The following EBF2 variants were observed in gnomAD, a reference collection of about 807,000 sequenced individuals.
The protein encoded by EBF2 is EBF transcription factor 2.
Under a neutral mutation model 72.8 loss-of-function variants are expected in EBF2, and 21 were observed. That is an observed-to-expected ratio of 0.29 (90% CI 0.20 to 0.42). The LOEUF (loss-of-function observed/expected upper bound fraction) is 0.42. EBF2 is among the 10% of genes least tolerant of loss of function. The pLI, the probability that EBF2 is intolerant of heterozygous loss-of-function variation, is 1.00. For missense variants in EBF2, 637 were observed against 731.2 expected, an observed-to-expected ratio of 0.87 and a Z score of 1.49; for synonymous variants, 299 against 274.2, an observed-to-expected ratio of 1.09 and a Z score of -0.89.
chr8:25,920,707 A>AT (rs33940063), intron 6 of EBF2, among the ~76,000 whole-genome samples: 37 of 150,534 alleles, frequency 2.5e-4, no homozygotes, highest in South Asian at 6.3e-4. Flanking sequence ...TGGCTAATGG[A>AT]TTTTTTTTTT....
intron 6 of EBF2, among the ~76,000 whole-genome samples, chr8:26,005,662 T>G (rs1364010689): frequency 1.4e-5 from 2 of 141,038 alleles, no homozygotes; most frequent in Non-Finnish European, 3.0e-5. Flanking sequence ...AGACTCTGTC[T>G]CTACAAAAAA....
At chr8:25,856,126 T>C (rs1265193708) in intron 14 of EBF2, among the ~76,000 whole-genome samples, 2 of 152,202 alleles carry the variant, frequency 1.3e-5, no homozygotes, top group African/African-American at 4.8e-5. Flanking sequence ...AATTCACACC[T>C]AACTGTGCAT....
chr8:25,850,757 C>T lies in EBF2; in HGVS notation c.1533G>A (p.Met511Ile), dbSNP rs960718213. Residue 511 changes from methionine to isoleucine, a missense_variant, in exon 15 of 16, where the codon ATG (methionine) becomes ATA (isoleucine). Met to Ile is a conservative substitution (Grantham distance 10). Transcript: ENST00000520164. ...GSPTGSPYGI[M>I]SSSPTVGSSS... ...AAGACCCAACGGTGGGACTTGATGA[C>T]ATGACTGGAAAGCAAATGCACAATC... 3 of 1,557,100 alleles carry T rather than the reference C, an allele frequency of 1.9e-6. No individual in the cohort carries two copies. The highest frequency in any genetic ancestry group is 2.6e-6 in the Non-Finnish European group (3 of 1,159,498).
At chr8:25,857,275 T>C (rs1802113007) in intron 14 of EBF2, among the ~76,000 whole-genome samples, 1 of 152,054 alleles carries the variant, frequency 6.6e-6, no homozygotes, top group African/African-American at 2.4e-5. Context: ...GTAGAGTGTA[T>C]GCATTGAACT....
intron 6 of EBF2, among the ~76,000 whole-genome samples, chr8:25,949,851 T>C (rs1803829360): frequency 6.6e-6 from 1 of 152,200 alleles, no homozygotes; most frequent in Non-Finnish European, 1.5e-5. Flanking sequence ...CAGTTTTGCC[T>C]CGAGCTGGCC....
intron 6 of EBF2, among the ~76,000 whole-genome samples, chr8:25,946,108 G>C (rs73553998): frequency 0.051 from 7,821 of 152,272 alleles, 686 homozygotes; most frequent in African/African-American, 0.18. Flanking sequence ...CTGATAATGA[G>C]TTCTTCAACT....
At chr8:25,982,772 G>C (rs1262924507) in intron 6 of EBF2, among the ~76,000 whole-genome samples, 1 of 151,892 alleles carries the variant, frequency 6.6e-6, no homozygotes, top group East Asian at 1.9e-4. Flanking sequence ...AAATTATTTT[G>C]GTTTTCACAC....
intron 6 of EBF2, among the ~76,000 whole-genome samples, chr8:25,986,696 A>C (rs7000992): frequency 1.3e-5 from 2 of 151,688 alleles, no homozygotes; most frequent in Admixed American, 1.3e-4. Flanking sequence ...CTGACTTTTT[A>C]GGGGGATGGC....
At chr8:26,026,060 C>A (rs1358265983) in intron 6 of EBF2, among the ~76,000 whole-genome samples, 3 of 152,048 alleles carry the variant, frequency 2.0e-5, no homozygotes, top group Non-Finnish European at 4.4e-5. Context: ...AACTGTAGTC[C>A]TAGATACTTG....
chr8:25,894,615 C>T (rs543246574), intron 7 of EBF2, among the ~76,000 whole-genome samples: 1 of 152,194 alleles, frequency 6.6e-6, no homozygotes, highest in Admixed American at 6.5e-5. Context: ...CAGGCCACAG[C>T]AGCTTAATGT....
rs181539056 is a variant in EBF2, at chr8:26,009,659, G to A, written c.551+23426C>T. Among the ~76,000 whole-genome samples, 19 of 152,278 alleles carry A rather than the reference G, an allele frequency of 1.2e-4. No individual in the cohort carries two copies. The South Asian group carries it at 2.3e-3, about 18-fold the overall frequency. On this transcript the variant is annotated intron_variant, in intron 6 of 15. Coordinates refer to ENST00000520164, the MANE Select transcript of EBF2 (RefSeq NM_022659.4). ...ATTCTTGGCAAACGGCATCCGTGTG[G>A]TATCTACTACATTATAGCGATCGCA...
chr8:25,923,028 A>G (rs1405419281), intron 6 of EBF2, among the ~76,000 whole-genome samples: 1 of 152,052 alleles, frequency 6.6e-6, no homozygotes, highest in Non-Finnish European at 1.5e-5. Context: ...CCCTTCACTC[A>G]GAGGCCACAG....
In EBF2 at chr8:25,992,495, G is replaced by T. The variant is rs112420159; in HGVS notation, c.551+40590C>A. On this transcript the variant is annotated intron_variant, in intron 6 of 15. Coordinates refer to ENST00000520164, the MANE Select transcript of EBF2 (RefSeq NM_022659.4). ...TGTCATGCCACCTCCATTTGGTGGTGCGCTTGGTCAGAACCTAGATTAAGA... is the reference window on the plus strand; with the variant it reads ...TGTCATGCCACCTCCATTTGGTGGTTCGCTTGGTCAGAACCTAGATTAAGA... Among the ~76,000 whole-genome samples the T allele has an allele frequency of 4.0e-3, 603 of 152,194 alleles. 5 individuals are homozygous for T. Among genetic ancestry groups the T allele is most frequent in the African/African-American group, 0.014 (572 of 41,520 alleles).
At position 26,044,715 on chromosome 8, in the gene EBF2, G is replaced by A. The variant is rs1237909601; in HGVS notation, c.131+14C>T. ...GCGAGAGACAGCATAATAATTGCGC[G>A]GCCGTGTCGTTACCTCTGCGCGGCG... is the stretch of plus-strand genomic sequence containing the variant. On this transcript the variant is annotated intron_variant, in intron 1 of 15. Coordinates refer to ENST00000520164, the MANE Select transcript of EBF2 (RefSeq NM_022659.4). This position sits in a 1 kb window ranked among gnomAD's most constrained non-coding sequence, Gnocchi z 4.1. The A allele has an allele frequency of 6.2e-7, 1 of 1,612,730 alleles. No individual in the cohort carries two copies. The highest frequency in any genetic ancestry group is 2.2e-5 in the East Asian group (1 of 44,838).
intron 6 of EBF2, among the ~76,000 whole-genome samples, chr8:25,981,620 A>T (rs1031019290): frequency 3.3e-5 from 5 of 151,986 alleles, no homozygotes; most frequent in African/African-American, 9.7e-5. Flanking sequence ...ACGTGGCAAA[A>T]TCCCGTCTCT....
chr8:25,923,329 C>T (rs1429679470), intron 6 of EBF2, among the ~76,000 whole-genome samples: 4 of 152,204 alleles, frequency 2.6e-5, no homozygotes, highest in South Asian at 4.1e-4. Context: ...ATGAGCTCCT[C>T]ATTCAACCCA....
chr8:25,958,088 C>A lies in EBF2; in HGVS notation c.552-49533G>T, dbSNP rs184109467. ...ATGAGCCTCCCAGACAGATAACAAACCCGCACAAAGATTTAAACTCTCCAG... is the reference window on the plus strand; with the variant it reads ...ATGAGCCTCCCAGACAGATAACAAAACCGCACAAAGATTTAAACTCTCCAG... On this transcript the variant is annotated intron_variant, in intron 6 of 15. Transcript: ENST00000520164. 2.5e-3 allele frequency among the ~76,000 whole-genome samples: 374 copies of A among 152,208 alleles called. 3 individuals are homozygous for A. Among genetic ancestry groups the A allele is most frequent in the Non-Finnish European group, 3.9e-3 (263 of 68,004 alleles).
At chr8:25,924,291 G>T (rs537635204) in intron 6 of EBF2, among the ~76,000 whole-genome samples, 4 of 152,262 alleles carry the variant, frequency 2.6e-5, no homozygotes, top group African/African-American at 9.6e-5. Flanking sequence ...AGCAGATATT[G>T]TTAATGTTCC....
intron 7 of EBF2, among the ~76,000 whole-genome samples, chr8:25,901,542 G>A (rs924515587): frequency 2.6e-5 from 4 of 151,976 alleles, no homozygotes; most frequent in African/African-American, 4.8e-5. Context: ...CCACAGGATA[G>A]AGAACACCCC....
Sources: allele counts gnomAD v4.1 joint callset (sites outside exome capture counted in the v4.1 genomes callset), GRCh38; gene constraint gnomAD v4.1.1; non-coding constraint Gnocchi (gnomAD v3.1); transcripts MANE v1.5; gene names NCBI Gene and HGNC (gene_info 2026-07-23, HGNC 2026-07-21).